TRAPPC9: variants seen among roughly 807,000 people sequenced by gnomAD.
TRAPPC9 encodes the protein IKK2 binding protein.
Under a neutral mutation model 124.0 loss-of-function variants are expected in TRAPPC9, and 83 were observed. The observed-to-expected ratio is 0.67, with a 90% confidence interval of 0.56 to 0.80. The LOEUF is 0.80. Ranked by LOEUF, TRAPPC9 falls within the 30% of genes least tolerant of loss-of-function variation. The pLI, the probability that TRAPPC9 is intolerant of heterozygous loss-of-function variation, is 0.00. For synonymous variants in TRAPPC9, 638 were observed against 617.5 expected, an observed-to-expected ratio of 1.03 and a Z score of -0.49; for missense variants, 1,302 against 1,508.3, an observed-to-expected ratio of 0.86 and a Z score of 2.27.
In TRAPPC9 at chr8:139,843,826, G is replaced by C. The variant is rs149688855; in HGVS notation, c.3055+42053C>G. Among the ~76,000 whole-genome samples, 433 of 152,344 alleles carry C rather than the reference G, an allele frequency of 2.8e-3. 2 individuals are homozygous for C. Among genetic ancestry groups the C allele is most frequent in the African/African-American group, 9.9e-3 (410 of 41,584 alleles). On this transcript the variant is annotated intron_variant, in intron 21 of 22. Transcript: ENST00000438773. ...GCCCAGGAGCCCCACTTCTGACTCT[G>C]CCCTCTGGCACTGCATGAGAATAAA...
intron 17 of TRAPPC9, among the ~76,000 whole-genome samples, chr8:140,037,369 A>G (rs1368131999): frequency 1.3e-5 from 2 of 152,150 alleles, no homozygotes; most frequent in African/African-American, 2.4e-5. Context: ...TCAGTATTCA[A>G]CAGTGAGAAA....
At chr8:139,787,793 A>C (rs1822374512) in intron 21 of TRAPPC9, among the ~76,000 whole-genome samples, 1 of 152,190 alleles carries the variant, frequency 6.6e-6, no homozygotes, top group South Asian at 2.1e-4. Flanking sequence ...GGTGCTCACC[A>C]GACCCCACAG....
At chr8:139,885,831 A>G (rs964327036) in intron 21 of TRAPPC9, 48 bp downstream of exon 21, 4 of 1,528,554 alleles carry the variant, frequency 2.6e-6, no homozygotes, top group African/African-American at 1.4e-5. Context: ...CATTTGGAGA[A>G]AAGGAGCACA....
intron 21 of TRAPPC9, among the ~76,000 whole-genome samples, chr8:139,770,184 C>T (rs921409812): frequency 6.6e-6 from 1 of 152,230 alleles, no homozygotes; most frequent in Non-Finnish European, 1.5e-5. Context: ...GCTGCCAGCC[C>T]GTTACTCCTG....
chr8:139,942,628 T>G (rs1429614708), intron 19 of TRAPPC9, among the ~76,000 whole-genome samples: 1 of 152,158 alleles, frequency 6.6e-6, no homozygotes, highest in East Asian at 1.9e-4. Context: ...ATAATTACTA[T>G]AAATTCTGGA....
intron 19 of TRAPPC9, among the ~76,000 whole-genome samples, chr8:139,923,864 A>T (rs1390852172): frequency 1.3e-5 from 2 of 152,254 alleles, no homozygotes; most frequent in African/African-American, 4.8e-5. Flanking sequence ...ATCATATTGA[A>T]TCAGTAGCTA....
At chr8:140,194,035 C>A (rs1442418133) in intron 17 of TRAPPC9, among the ~76,000 whole-genome samples, 1 of 152,278 alleles carries the variant, frequency 6.6e-6, no homozygotes, top group East Asian at 1.9e-4. Context: ...ATTCTAATCC[C>A]GGTTTTAATC....
chr8:140,295,299 C>T (rs1272927509), intron 11 of TRAPPC9, among the ~76,000 whole-genome samples: 1 of 152,208 alleles, frequency 6.6e-6, no homozygotes, highest in East Asian at 1.9e-4. Context: ...TCCCTTGATC[C>T]TCAAAACCAC....
chr8:140,394,485 C>G (rs1176910342), intron 7 of TRAPPC9, among the ~76,000 whole-genome samples: 28 of 152,208 alleles, frequency 1.8e-4, no homozygotes. Flanking sequence ...TATTAAGAGG[C>G]AGAGACACAG....
chr8:140,118,382 T>C (rs757549882), intron 17 of TRAPPC9, among the ~76,000 whole-genome samples: 37 of 152,254 alleles, frequency 2.4e-4, no homozygotes, highest in Admixed American at 2.6e-4. Flanking sequence ...TCAACTGTTA[T>C]GGCCTTCAAG....
intron 15 of TRAPPC9, among the ~76,000 whole-genome samples, chr8:140,265,324 T>A (rs1429881084): frequency 6.6e-6 from 1 of 152,222 alleles, no homozygotes; most frequent in Non-Finnish European, 1.5e-5. Context: ...GTTCTGTAGC[T>A]TAAGAGTGAC....
chr8:139,808,196 C>T (rs531150982), intron 21 of TRAPPC9, among the ~76,000 whole-genome samples: 7 of 152,322 alleles, frequency 4.6e-5, no homozygotes, highest in Admixed American at 6.5e-5. Context: ...CAGTGGCTCA[C>T]GCCTATAATC....
At chr8:139,988,063 T>G (rs1273258570) in intron 19 of TRAPPC9, among the ~76,000 whole-genome samples, 1 of 151,832 alleles carries the variant, frequency 6.6e-6, no homozygotes, top group Non-Finnish European at 1.5e-5. Context: ...GATGCTGACA[T>G]GCAGTTCCCA....
intron 20 of TRAPPC9, among the ~76,000 whole-genome samples, chr8:139,899,518 T>C (rs1255514124): frequency 6.6e-6 from 1 of 152,164 alleles, no homozygotes; most frequent in Non-Finnish European, 1.5e-5. Context: ...GCACTGGTCT[T>C]GCTGTCTCAG....
At chr8:139,841,894 G>A (rs1370077219) in intron 21 of TRAPPC9, among the ~76,000 whole-genome samples, 1 of 152,248 alleles carries the variant, frequency 6.6e-6, no homozygotes, top group African/African-American at 2.4e-5. Flanking sequence ...TGAAAGACAA[G>A]CCACAGGACA....
intron 15 of TRAPPC9, among the ~76,000 whole-genome samples, chr8:140,270,179 G>A (rs758058490): frequency 1.4e-4 from 22 of 152,278 alleles, no homozygotes; most frequent in Admixed American, 9.2e-4. Flanking sequence ...TGAGACCTCA[G>A]ATGACCAAGA....
At position 139,921,039 on chromosome 8, in the gene TRAPPC9, C is replaced by T. The variant is rs1000925871; in HGVS notation, c.2811-10739G>A. ...TGTGGGTGCCACAACTGGGAGGCCA[C>T]CCTGCCAAGCAAGCGGGACCTTGGC... On this transcript the variant is annotated intron_variant, in intron 19 of 22. Transcript: ENST00000438773. Among the ~76,000 whole-genome samples, 13 of 152,212 alleles carry T rather than the reference C, an allele frequency of 8.5e-5. 1 individual carries two copies. The highest frequency in any genetic ancestry group is 7.9e-4 in the Admixed American group (12 of 15,280).
intron 19 of TRAPPC9, among the ~76,000 whole-genome samples, chr8:139,911,535 T>C (rs190249461): frequency 1.3e-5 from 2 of 152,082 alleles, no homozygotes; most frequent in African/African-American, 4.8e-5. Flanking sequence ...TGAAACCCTA[T>C]CTCTACCAAA....
intron 17 of TRAPPC9, among the ~76,000 whole-genome samples, chr8:140,175,111 G>A (rs1378760138): frequency 1.3e-5 from 2 of 150,940 alleles, no homozygotes; most frequent in African/African-American, 4.9e-5. Flanking sequence ...GGTTTCAGTC[G>A]TCAAATCTCA....
Sources: gnomAD v4.1 joint callset for allele counts (sites outside exome capture counted in the v4.1 genomes callset) on GRCh38, gnomAD v4.1.1 for gene constraint, MANE v1.5 for transcripts, NCBI Gene and HGNC (gene_info 2026-07-23, HGNC 2026-07-21) for gene names.